HPS4: variants seen among roughly 807,000 people sequenced by gnomAD.
The protein encoded by HPS4 is BLOC-3 complex member HPS4.
HPS4 carries 44 observed loss-of-function variants against 70.3 expected under a neutral mutation model. The ratio of observed to expected loss-of-function variants is 0.63; its 90% CI spans 0.49 to 0.80. The LOEUF (loss-of-function observed/expected upper bound fraction) is 0.80, where lower values mean the gene tolerates loss of function less well. Among genes scored for constraint, HPS4 ranks in the 30% least tolerant of loss-of-function variants. The probability of loss-of-function intolerance (pLI) is 0.00; values close to 1 mark genes in which losing one functional copy is unlikely to be tolerated. For synonymous variants in HPS4, 377 were observed against 355.9 expected, an observed-to-expected ratio of 1.06 and a Z score of -0.67; for missense variants, 873 against 884.4, an observed-to-expected ratio of 0.99 and a Z score of 0.16.
intron 11 of HPS4, among the ~76,000 whole-genome samples, chr22:26,460,385 G>T (rs1277403929): frequency 1.3e-5 from 2 of 152,236 alleles, no homozygotes; most frequent in African/African-American, 4.8e-5. Flanking sequence ...GTGTGTGTGT[G>T]CATGTGCCGA....
In HPS4 at chr22:26,464,097, G is replaced by A. The variant is rs367810755; in HGVS notation, c.1533C>T (p.Gly511=). The A allele has an allele frequency of 1.2e-6, 2 of 1,614,156 alleles. No individual in the cohort carries two copies. Among genetic ancestry groups the A allele is most frequent in the Middle Eastern group, 1.6e-4 (1 of 6,084 alleles). ...HAAPGLECSS[G]SANCQGAGPS... is the part of the protein sequence containing the mutation. ...GGCCAGCACCCTGACAGTTTGCTGA[G>A]CCTGAACTGCATTCCAGACCAGGGG... The change falls in exon 11 of 14, where the codon GGC becomes GGT. Residue 511 remains glycine (G), a synonymous_variant. Coordinates refer to ENST00000398145, the MANE Select transcript of HPS4 (RefSeq NM_022081.6).
chr22:26,446,962 G>A (rs1303532464), downstream of HPS4, among the ~76,000 whole-genome samples: 2 of 152,216 alleles, frequency 1.3e-5, no homozygotes, highest in Non-Finnish European at 2.9e-5. Context: ...CTAACCTCAA[G>A]TGATCAGCCT....
intron 13 of HPS4, chr22:26,453,855 C>T (rs77162581): frequency 0.015 from 3,551 of 241,994 alleles, 140 homozygotes; most frequent in African/African-American, 0.076. Context: ...GCCTCTATGA[C>T]GAGGCAATGG....
intron 4 of HPS4, among the ~76,000 whole-genome samples, chr22:26,473,678 G>A (rs1263400484): frequency 6.6e-6 from 1 of 152,128 alleles, no homozygotes; most frequent in Non-Finnish European, 1.5e-5. Flanking sequence ...GGGAGGCAGA[G>A]GTTGCAGCGA....
intron 3 of HPS4, among the ~76,000 whole-genome samples, chr22:26,478,665 A>G (rs776780762): frequency 6.6e-6 from 1 of 150,718 alleles, no homozygotes; most frequent in Non-Finnish European, 1.5e-5. Flanking sequence ...CTGTTTTTGT[A>G]TATGTTTGAA....
chr22:26,466,151 C>T lies in HPS4; in HGVS notation c.706+75G>A, dbSNP rs371211775. 5.8e-5 allele frequency: 94 copies of T among 1,611,694 alleles called. 1 individual carries two copies. The highest frequency in any genetic ancestry group is 9.3e-5 in the African/African-American group (7 of 75,004). The stretch of plus-strand genomic sequence containing the variant: ...AACATGCAGATGGCTTGGTTTCCTT[C>T]GCATAACTTGTACAGGGGTAGGTAG... On this transcript the variant is annotated intron_variant, in intron 9 of 13. Coordinates refer to ENST00000398145, the MANE Select transcript of HPS4 (RefSeq NM_022081.6).
chr22:26,464,853 G>A, intron 10 of HPS4, 27 bp from the exon 11 acceptor site: 4 of 1,571,086 alleles, frequency 2.5e-6, no homozygotes, highest in Non-Finnish European at 2.6e-6. Flanking sequence ...ATGTAAGGAA[G>A]GGGCACGTTG....
At chr22:26,462,370 TG>T (rs1050636037) in intron 11 of HPS4, among the ~76,000 whole-genome samples, 1 of 152,010 alleles carries the variant, frequency 6.6e-6, no homozygotes, top group African/African-American at 2.4e-5. Flanking sequence ...GGCAGGGCAG[TG>T]GGGGGACAGA....
Position 26,479,347 on chromosome 22 carries a change from T to A in HPS4, c.50A>T (p.Tyr17Phe). Residue 17 changes from tyrosine (Y) to phenylalanine (F), a missense_variant, in exon 3 of 14, where the codon TAT becomes TTT. Transcript: ENST00000398145. ...CTTGGAACCATCATAAAGAAAAAAA[T>A]AATTCCACCTGGCAAGAGAACAGAG... ...TEAKSASWWN[Y>F]FFLYDGSKVK... The A allele has an allele frequency of 6.2e-7, 1 of 1,614,010 alleles. No homozygotes were observed. Among genetic ancestry groups the A allele is most frequent in the African/African-American group, 1.3e-5 (1 of 75,006 alleles).
intron 7 of HPS4, among the ~76,000 whole-genome samples, chr22:26,469,615 T>G (rs1189962104): frequency 6.7e-6 from 1 of 148,734 alleles, no homozygotes; most frequent in African/African-American, 2.5e-5. Context: ...CCAAGCAGTT[T>G]GGGAAGCTGA....
intron 11 of HPS4, among the ~76,000 whole-genome samples, chr22:26,462,494 C>T (rs1192454409): frequency 6.6e-6 from 1 of 152,162 alleles, no homozygotes; most frequent in Non-Finnish European, 1.5e-5. Context: ...AGTTACAATG[C>T]CTCCTTCCCA....
At position 26,452,042 on chromosome 22, in the gene HPS4, A is replaced by G. The variant is rs1055587095; in HGVS notation, c.*1191T>C. 7.7e-5 allele frequency: 24 copies of G among 311,252 alleles called. No homozygotes were observed. Among genetic ancestry groups the G allele is most frequent in the African/African-American group, 5.6e-4 (24 of 42,522 alleles). The allele number at this position is 311,252 out of a possible 1,614,324, so 19.3% of individuals were successfully genotyped here. ...CACACACACACACACACACACACAC[A>G]CTGTCTTAACCCTTACCTTTGTCAC... is the stretch of plus-strand genomic sequence containing the variant. On this transcript the variant is annotated 3_prime_UTR_variant, in exon 14 of 14. Transcript: ENST00000398145.
Position 26,464,161 on chromosome 22 carries a change from A to G in HPS4, c.1469T>C (p.Leu490Pro), listed in dbSNP as rs1213373848. The change falls in exon 11 of 14, where the codon CTG (leucine) becomes CCG (proline). Residue 490 changes from leucine (L) to proline (P), a missense_variant. By Grantham distance (98) the Leu-to-Pro change is moderately conservative. Coordinates refer to ENST00000398145, the MANE Select transcript of HPS4 (RefSeq NM_022081.6). ...GNKLPTGEQG[L>P]DEDVDGVCES... ...ACAGACCCCATCAACATCCTCATCCAGGCCTTGTTCCCCCGTGGGAAGCTT... is the reference window on the plus strand; with the variant it reads ...ACAGACCCCATCAACATCCTCATCCGGGCCTTGTTCCCCCGTGGGAAGCTT... 2 of 1,614,236 alleles carry G rather than the reference A, an allele frequency of 1.2e-6. No individual in the cohort carries two copies. The highest frequency in any genetic ancestry group is 2.2e-5 in the East Asian group (1 of 44,888).
At chr22:26,478,067 A>C (rs1026834056) in intron 3 of HPS4, among the ~76,000 whole-genome samples, 1 of 152,202 alleles carries the variant, frequency 6.6e-6, no homozygotes, top group Non-Finnish European at 1.5e-5. Flanking sequence ...CAAGACAATA[A>C]GGCAAAATTT....
In HPS4 at chr22:26,451,571, G is replaced by A. The variant is rs1261835955; in HGVS notation, c.*1662C>T. ...TAGGCTTTGTACGGTTCCATTTTGG[G>A]TCAGTGGAAGAATTTTCACAACACA... is the stretch of plus-strand genomic sequence containing the variant. On this transcript the variant is annotated 3_prime_UTR_variant, in exon 14 of 14. Transcript: ENST00000398145. 6.6e-6 allele frequency: 1 copy of A among 152,198 alleles called. No homozygotes were observed. The highest frequency in any genetic ancestry group is 2.4e-5 in the African/African-American group (1 of 41,428). 9.4% of individuals were successfully genotyped at this position (152,198 alleles called of 1,614,324 possible).
intron 13 of HPS4, among the ~76,000 whole-genome samples, chr22:26,455,600 G>A (rs2085964781): frequency 1.1e-5 from 1 of 87,488 alleles, no homozygotes; most frequent in South Asian, 5.3e-4. Context: ...GGGGAGGGGG[G>A]AGGGATAGCA....
At chr22:26,447,297 A>G (rs760739671), downstream of HPS4, among the ~76,000 whole-genome samples, 1 of 152,094 alleles carries the variant, frequency 6.6e-6, no homozygotes, top group Non-Finnish European at 1.5e-5. Flanking sequence ...AGAGAAACCC[A>G]CGGAGGCAAG....
chr22:26,482,034 T>A lies in HPS4; in HGVS notation c.-272A>T. On this transcript the variant is annotated 5_prime_UTR_variant, in exon 2 of 14. Coordinates refer to ENST00000398145, the MANE Select transcript of HPS4 (RefSeq NM_022081.6). ...ATAACAGAGAATCCTAGCAGAAAAG[T>A]CAAATCCATTCCTCTGGTTTCCTAA... is the stretch of plus-strand genomic sequence containing the variant. 2.2e-6 allele frequency: 1 copy of A among 459,896 alleles called. No individual in the cohort carries two copies. Among genetic ancestry groups the A allele is most frequent in the Non-Finnish European group, 4.0e-6 (1 of 249,280 alleles). The allele number at this position is 459,896 out of a possible 1,614,324, so 28.5% of individuals were successfully genotyped here.
At chr22:26,477,565 T>G (rs2090722507) in intron 3 of HPS4, among the ~76,000 whole-genome samples, 1 of 152,138 alleles carries the variant, frequency 6.6e-6, no homozygotes, top group African/African-American at 2.4e-5. Flanking sequence ...CAACTATCCA[T>G]GTCAGAGCAC....
Sources: allele counts gnomAD v4.1 joint callset (sites outside exome capture counted in the v4.1 genomes callset), GRCh38; gene constraint gnomAD v4.1.1; transcripts MANE v1.5; gene names NCBI Gene and HGNC (gene_info 2026-07-23, HGNC 2026-07-21).